DYNC1I2: variants seen among roughly 807,000 people sequenced by gnomAD.
DYNC1I2 encodes dynein cytoplasmic 1 intermediate chain 2, also known as cytoplasmic dynein 1 intermediate chain 2.
Under a neutral mutation model 88.6 loss-of-function variants are expected in DYNC1I2, and 53 were observed. That is an observed-to-expected ratio of 0.60 (90% CI 0.48 to 0.75). DYNC1I2 has a LOEUF of 0.75. Among genes scored for constraint, DYNC1I2 ranks in the 30% least tolerant of loss-of-function variants. The pLI is 0.00. For missense variants in DYNC1I2, 458 were observed against 766.6 expected, an observed-to-expected ratio of 0.60 and a Z score of 4.75; for synonymous variants, 198 against 254.6, an observed-to-expected ratio of 0.78 and a Z score of 2.12.
intron 3 of DYNC1I2, among the ~76,000 whole-genome samples, chr2:171,704,924 C>G (rs968556823): frequency 6.6e-6 from 1 of 151,998 alleles, no homozygotes; most frequent in African/African-American, 2.4e-5. Context: ...CTAGGATTGT[C>G]CCTTCTGTGG....
chr2:171,745,265 C>G (rs1211175827), intron 16 of DYNC1I2, among the ~76,000 whole-genome samples: 1 of 152,174 alleles, frequency 6.6e-6, no homozygotes, highest in African/African-American at 2.4e-5. Context: ...TGCCATCATC[C>G]TGGCTATCTC....
intron 3 of DYNC1I2, among the ~76,000 whole-genome samples, chr2:171,700,047 G>T (rs1182158748): frequency 6.6e-6 from 1 of 152,092 alleles, no homozygotes; most frequent in Non-Finnish European, 1.5e-5. Context: ...TAGCTAGGTG[G>T]TTCTGGCTCA....
intron 5 of DYNC1I2, among the ~76,000 whole-genome samples, chr2:171,710,156 CACACACACAG>C (rs1298256028): frequency 6.9e-6 from 1 of 145,750 alleles, no homozygotes; most frequent in African/African-American, 2.6e-5. Flanking sequence ...CACACACACA[CACACACACAG>C]AGTAATAGAA....
At chr2:171,701,389 C>G (rs924024206) in intron 3 of DYNC1I2, among the ~76,000 whole-genome samples, 1 of 152,098 alleles carries the variant, frequency 6.6e-6, no homozygotes, top group Non-Finnish European at 1.5e-5. Context: ...GGGCTAGTCT[C>G]GAACTCCTGA....
rs142402688 is a variant in DYNC1I2 at position 171,698,286 on chromosome 2, C to T, written c.226+5392C>T. Among the ~76,000 whole-genome samples the T allele has an allele frequency of 3.9e-4, 59 of 152,280 alleles. 1 individual carries two copies. The highest frequency in any genetic ancestry group is 1.4e-3 in the African/African-American group (58 of 41,556). On this transcript the variant is annotated intron_variant, in intron 3 of 17. Transcript: ENST00000397119. The stretch of plus-strand genomic sequence containing the variant: ...TCTCAATAACTAGGGGTTTTGGTTA[C>T]CCTAAATGTTAGAAAAGCAGGAGAC...
chr2:171,745,391 A>G (rs1689710896), intron 16 of DYNC1I2, among the ~76,000 whole-genome samples: 1 of 152,226 alleles, frequency 6.6e-6, no homozygotes, highest in Admixed American at 6.5e-5. Flanking sequence ...TACATGCTGC[A>G]CAAGTGATTC....
intron 15 of DYNC1I2, among the ~76,000 whole-genome samples, chr2:171,738,165 C>G (rs1370095937): frequency 6.6e-6 from 1 of 151,918 alleles, no homozygotes; most frequent in Non-Finnish European, 1.5e-5. Context: ...AACCCCATCT[C>G]TACTAAAAAT....
At chr2:171,691,334 C>A (rs943937318) in intron 2 of DYNC1I2, among the ~76,000 whole-genome samples, 7 of 152,182 alleles carry the variant, frequency 4.6e-5, no homozygotes, top group African/African-American at 1.4e-4. Context: ...TATGGAAACT[C>A]TTTAGACATA....
intron 1 of DYNC1I2, among the ~76,000 whole-genome samples, chr2:171,689,937 G>A (rs886352785): frequency 7.4e-6 from 1 of 135,342 alleles, no homozygotes; most frequent in African/African-American, 2.8e-5. Flanking sequence ...TGTTGCCCAG[G>A]CTGGTCTCAA....
In DYNC1I2 at chr2:171,733,459, CTTTTTTTTTTTTTTT is replaced by C. The variant is rs61079902; in HGVS notation, c.1536+3622_1536+3636del. Among the ~76,000 whole-genome samples, 274 of 55,826 alleles carry C rather than the reference CTTTTTTTTTTTTTTT, an allele frequency of 4.9e-3. 3 individuals carry two copies. Among genetic ancestry groups the C allele is most frequent in the African/African-American group, 0.018 (257 of 14,200 alleles). The allele number at this position is 55,826 out of a possible 152,430, so 36.6% of individuals were successfully genotyped here. A position where few individuals can be genotyped will look rare whatever the true frequency, so the allele number is the denominator to read the frequency against. On this transcript the variant is annotated intron_variant, in intron 15 of 17. Coordinates refer to ENST00000397119, the MANE Select transcript of DYNC1I2 (RefSeq NM_001378.3). The stretch of plus-strand genomic sequence containing the variant: ...TTTTTCTCCACAACCTTGCCAGCAT[CTTTTTTTTTTTTTTT>C]TTTTTTTTTTTTTTTGCTTTTTAAT...
intron 15 of DYNC1I2, among the ~76,000 whole-genome samples, chr2:171,739,346 CATTTT>C (rs1315123353): frequency 6.6e-6 from 1 of 151,952 alleles, no homozygotes; most frequent in African/African-American, 2.4e-5. Flanking sequence ...AATTTTAAAA[CATTTT>C]ATTATGGAAA....
intron 7 of DYNC1I2, among the ~76,000 whole-genome samples, chr2:171,721,489 A>G (rs1187001646): frequency 6.6e-6 from 1 of 152,234 alleles, no homozygotes; most frequent in Non-Finnish European, 1.5e-5. Context: ...TTCAAAATGA[A>G]GCTGACCCAG....
chr2:171,738,369 G>A (rs920799548), intron 15 of DYNC1I2, among the ~76,000 whole-genome samples: 3 of 152,052 alleles, frequency 2.0e-5, no homozygotes, highest in Admixed American at 6.5e-5. Context: ...ACTCATTTGT[G>A]TCTGGCTTCT....
At chr2:171,708,847 C>T (rs1686885709) in intron 5 of DYNC1I2, among the ~76,000 whole-genome samples, 1 of 152,066 alleles carries the variant, frequency 6.6e-6, no homozygotes, top group Non-Finnish European at 1.5e-5. Flanking sequence ...CACGCACCAT[C>T]ATGCCTGGCT....
intron 11 of DYNC1I2, 59 bp downstream of exon 11, chr2:171,726,975 A>C: frequency 1.4e-6 from 2 of 1,464,548 alleles, no homozygotes. Flanking sequence ...ATGAATTAAG[A>C]CAAGTGCCTT....
chr2:171,688,174 G>A (rs951401416), intron 1 of DYNC1I2: 14 of 152,242 alleles, frequency 9.2e-5, no homozygotes, highest in African/African-American at 3.4e-4. Context: ...AAAGTGATTC[G>A]TTTTCGCCTT....
At chr2:171,728,557 T>A in intron 13 of DYNC1I2, 139 bp downstream of exon 13, 1 of 812,946 alleles carries the variant, frequency 1.2e-6, no homozygotes, top group Non-Finnish European at 1.9e-6. Flanking sequence ...TTAATATAAG[T>A]TTGTTTCATA....
intron 5 of DYNC1I2, 100 bp downstream of exon 5, chr2:171,707,477 G>T: frequency 1.0e-6 from 1 of 989,294 alleles, no homozygotes; most frequent in Non-Finnish European, 1.4e-6. Context: ...TGTCGAGTTA[G>T]TCCTAACATT....
chr2:171,722,856 T>C (rs1687990459), intron 7 of DYNC1I2, among the ~76,000 whole-genome samples: 1 of 152,204 alleles, frequency 6.6e-6, no homozygotes, highest in African/African-American at 2.4e-5. Context: ...GTACCAATGA[T>C]AGTTTTAAAG....
Sources: allele counts gnomAD v4.1 joint callset (sites outside exome capture counted in the v4.1 genomes callset), GRCh38; gene constraint gnomAD v4.1.1; transcripts MANE v1.5; gene names NCBI Gene and HGNC (gene_info 2026-07-23, HGNC 2026-07-21).